The following PDE4B variants were observed in gnomAD, a reference collection of about 807,000 sequenced individuals.
The protein encoded by PDE4B is 3',5'-cyclic-AMP phosphodiesterase 4B.
PDE4B carries 20 observed loss-of-function variants against 82.2 expected under a neutral mutation model. That is an observed-to-expected ratio of 0.24 (90% CI 0.17 to 0.35). The LOEUF (loss-of-function observed/expected upper bound fraction) is 0.35, where lower values mean the gene tolerates loss of function less well. PDE4B is among the 10% of genes least tolerant of loss of function. PDE4B has a pLI of 1.00. For synonymous variants in PDE4B, 320 were observed against 318.9 expected (o/e 1.00, Z -0.04); for missense variants, 655 against 907.2 (o/e 0.72, Z 3.57).
intron 8 of PDE4B, among the ~76,000 whole-genome samples, chr1:66,335,496 AT>A (rs1325493296): frequency 2.0e-5 from 3 of 152,206 alleles, no homozygotes; most frequent in Non-Finnish European, 4.4e-5. Flanking sequence ...AATCCTTTAA[AT>A]TTTGAAGAAA....
intron 3 of PDE4B, among the ~76,000 whole-genome samples, chr1:66,106,546 C>T (rs9436761): frequency 0.65 from 95,723 of 148,328 alleles, 31,179 homozygotes; most frequent in Admixed American, 0.71. Flanking sequence ...TGGTAGAATT[C>T]GGCTGTGAAT....
intron 7 of PDE4B, among the ~76,000 whole-genome samples, chr1:66,307,585 T>C (rs1363711651): frequency 1.3e-5 from 2 of 152,136 alleles, no homozygotes; most frequent in Non-Finnish European, 2.9e-5. Context: ...ATAGTGGAAA[T>C]GTCTTGACAT....
intron 3 of PDE4B, among the ~76,000 whole-genome samples, chr1:66,033,390 T>C (rs1206671244): frequency 2.6e-5 from 4 of 152,182 alleles, no homozygotes; most frequent in Non-Finnish European, 5.9e-5. Flanking sequence ...CTCCCTGCCA[T>C]GTGTTGCCTG....
intron 3 of PDE4B, among the ~76,000 whole-genome samples, chr1:65,981,825 C>G (rs1650706050): frequency 1.3e-5 from 2 of 152,116 alleles, no homozygotes; most frequent in Non-Finnish European, 2.9e-5. Context: ...GTGGTTCTCT[C>G]TTTCTCTTTC....
chr1:66,106,362 G>C (rs974343450), intron 3 of PDE4B, among the ~76,000 whole-genome samples: 1 of 152,004 alleles, frequency 6.6e-6, no homozygotes, highest in African/African-American at 2.4e-5. Context: ...GAGGATTTTT[G>C]CATCAATGTT....
chr1:66,181,061 C>T lies in PDE4B; in HGVS notation c.282-66399C>T, dbSNP rs147257739. Among the ~76,000 whole-genome samples, 348 of 152,250 alleles carry T rather than the reference C, an allele frequency of 2.3e-3. 13 individuals carry two copies. In the East Asian group the frequency reaches 0.061, roughly 27 times the overall value. ...TGGGTACAAATCTGCATGTAACAGG[C>T]CTCAATGCCCATATCAATACCATTG... On this transcript the variant is annotated intron_variant, in intron 3 of 16. Coordinates refer to ENST00000341517, the MANE Select transcript of PDE4B (RefSeq NM_002600.4).
intron 3 of PDE4B, among the ~76,000 whole-genome samples, chr1:65,949,205 G>T (rs1053785033): frequency 6.6e-6 from 1 of 152,028 alleles, no homozygotes; most frequent in African/African-American, 2.4e-5. Context: ...ATTCCCAGGG[G>T]TCCTTCTGAC....
chr1:65,875,640 T>C (rs1646631260), intron 1 of PDE4B, among the ~76,000 whole-genome samples: 1 of 149,910 alleles, frequency 6.7e-6, no homozygotes, highest in Admixed American at 6.7e-5. Flanking sequence ...GATGAGTTCA[T>C]GTCCTTTGTA....
At chr1:66,162,087 GA>G (rs540088405) in intron 3 of PDE4B, among the ~76,000 whole-genome samples, 370 of 148,180 alleles carry the variant, frequency 2.5e-3, no homozygotes, top group Middle Eastern at 0.01. Flanking sequence ...CTTGATTGCA[GA>G]AAAAAAAAAG....
chr1:65,838,316 G>T (rs190130692), intron 1 of PDE4B, among the ~76,000 whole-genome samples: 1 of 152,072 alleles, frequency 6.6e-6, no homozygotes, highest in Non-Finnish European at 1.5e-5. Flanking sequence ...ATTGCCCCTT[G>T]CTTGTGGAGG....
rs149287149 is a variant in PDE4B, at chr1:65,817,848, TATTC to T, written c.-71+24604_-71+24607del. Reference sequence around the variant, plus strand: ...TCTGTAAAATTATAATTGAAGATGATATTCATTGTGTTACTTGATTTACATATTT... The same window carrying T: ...TCTGTAAAATTATAATTGAAGATGATATTGTGTTACTTGATTTACATATTT... On this transcript the variant is annotated intron_variant, in intron 1 of 16. Transcript: ENST00000341517. Among the ~76,000 whole-genome samples, 167 of 152,338 alleles carry T rather than the reference TATTC, an allele frequency of 1.1e-3. 1 individual carries two copies. Among genetic ancestry groups the T allele is most frequent in the African/African-American group, 3.9e-3 (162 of 41,580 alleles).
At chr1:66,186,120 A>G (rs1355507213) in intron 3 of PDE4B, among the ~76,000 whole-genome samples, 2 of 152,126 alleles carry the variant, frequency 1.3e-5, no homozygotes, top group African/African-American at 4.8e-5. Flanking sequence ...TGTTTTTGTC[A>G]TGTTTGTCAA....
chr1:66,217,990 A>G (rs1650636509), intron 3 of PDE4B, among the ~76,000 whole-genome samples: 1 of 152,144 alleles, frequency 6.6e-6, no homozygotes, highest in South Asian at 2.1e-4. Flanking sequence ...AATGTGTTAT[A>G]GAAAGATTAA....
intron 1 of PDE4B, among the ~76,000 whole-genome samples, chr1:65,834,960 C>G (rs999362174): frequency 6.6e-6 from 1 of 152,108 alleles, no homozygotes; most frequent in Non-Finnish European, 1.5e-5. Context: ...AAATATTTAC[C>G]AGCACACCAC....
chr1:66,024,936 T>G (rs1413952033), intron 3 of PDE4B, among the ~76,000 whole-genome samples: 1 of 151,934 alleles, frequency 6.6e-6, no homozygotes, highest in East Asian at 1.9e-4. Context: ...ATTACTTAAC[T>G]AAAGTATTAT....
chr1:66,320,576 C>G (rs545447152), intron 7 of PDE4B, among the ~76,000 whole-genome samples: 37 of 152,120 alleles, frequency 2.4e-4, no homozygotes, highest in African/African-American at 8.2e-4. Flanking sequence ...TAGCAAAGGC[C>G]CCTTTCTTTT....
intron 10 of PDE4B, 53 bp from the exon 11 acceptor site, chr1:66,363,115 C>G: frequency 8.4e-7 from 1 of 1,190,322 alleles, no homozygotes; most frequent in Non-Finnish European, 1.2e-6. Flanking sequence ...AAAAATGAGG[C>G]ATGTTAGCAC....
At chr1:65,811,400 G>A (rs1287525296) in intron 1 of PDE4B, among the ~76,000 whole-genome samples, 1 of 152,132 alleles carries the variant, frequency 6.6e-6, no homozygotes, top group Non-Finnish European at 1.5e-5. Flanking sequence ...TTTGCCCCAA[G>A]GGCACCTAGA....
chr1:65,813,150 C>G (rs2101205250), intron 1 of PDE4B, among the ~76,000 whole-genome samples: 1 of 152,220 alleles, frequency 6.6e-6, no homozygotes, highest in South Asian at 2.1e-4. Flanking sequence ...GAGTGAGTCA[C>G]TTATTTAAAT....
Sources: gnomAD v4.1 joint callset for allele counts (sites outside exome capture counted in the v4.1 genomes callset) on GRCh38, gnomAD v4.1.1 for gene constraint, MANE v1.5 for transcripts, NCBI Gene and HGNC (gene_info 2026-07-23, HGNC 2026-07-21) for gene names.